CYFIP1: variants seen among roughly 807,000 people sequenced by gnomAD.
CYFIP1 encodes the protein cytoplasmic FMR1-interacting protein 1.
A neutral mutation model predicts 163.5 loss-of-function variants in CYFIP1; 58 were observed. The ratio of observed to expected loss-of-function variants is 0.35; its 90% CI spans 0.29 to 0.44. CYFIP1 has a LOEUF of 0.44. Among genes scored for constraint, CYFIP1 ranks in the 20% least tolerant of loss-of-function variants. The pLI, the probability that CYFIP1 is intolerant of heterozygous loss-of-function variation, is 1.00. For missense variants in CYFIP1, 1,338 were observed against 1,653.8 expected, an observed-to-expected ratio of 0.81 and a Z score of 3.31; for synonymous variants, 663 against 660.7, an observed-to-expected ratio of 1.00 and a Z score of -0.05.
upstream of CYFIP1, among the ~76,000 whole-genome samples, chr15:22,980,836 C>T (rs957819102): frequency 6.6e-6 from 1 of 151,964 alleles, no homozygotes; most frequent in Non-Finnish European, 1.5e-5. Context: ...GTCCCAGCTG[C>T]AGGTCGGCGC....
intron 21 of CYFIP1, among the ~76,000 whole-genome samples, chr15:22,908,688 C>G (rs1250386110): frequency 6.6e-6 from 1 of 151,686 alleles, no homozygotes; most frequent in Non-Finnish European, 1.5e-5. Context: ...GCCACCACGC[C>G]CGCCTAATTT....
At chr15:22,877,309 G>C (rs1306507134) in intron 26 of CYFIP1, among the ~76,000 whole-genome samples, 1 of 152,118 alleles carries the variant, frequency 6.6e-6, no homozygotes, top group Non-Finnish European at 1.5e-5. Flanking sequence ...AGCAGCATGA[G>C]ACCCTGACAG....
chr15:22,970,803 G>A (rs574461020), intron 1 of CYFIP1, among the ~76,000 whole-genome samples: 6 of 152,158 alleles, frequency 3.9e-5, no homozygotes, highest in Admixed American at 6.5e-5. Flanking sequence ...TTGGCCTGGC[G>A]TGGTGGCTCA....
chr15:22,929,192 C>T (rs1471717499), intron 11 of CYFIP1, among the ~76,000 whole-genome samples: 2 of 150,878 alleles, frequency 1.3e-5, no homozygotes, highest in Non-Finnish European at 2.9e-5. Context: ...CACACGCCAT[C>T]CAGCCTGGGC....
chr15:22,956,532 C>T (rs1159993400), intron 1 of CYFIP1, among the ~76,000 whole-genome samples: 3 of 152,160 alleles, frequency 2.0e-5, no homozygotes, highest in African/African-American at 7.2e-5. Context: ...AATAAGCCAG[C>T]ATCCCTGGGA....
In CYFIP1 at chr15:22,917,124, AGGCAGGGAGGGTGGCT is replaced by A; in HGVS notation, c.1675-510_1675-495del. ...AGGGACACGGGACGCACGCAGAGGGAGGCAGGGAGGGTGGCTGGCACCACGCACAGGCCGAGGGCCG... is the reference window on the plus strand; with the variant it reads ...AGGGACACGGGACGCACGCAGAGGGAGGCACCACGCACAGGCCGAGGGCCG... On this transcript the variant is annotated intron_variant, in intron 15 of 30. Coordinates refer to ENST00000617928, the MANE Select transcript of CYFIP1 (RefSeq NM_014608.6). The surrounding 1 kb of genome is among the most constrained non-coding windows in gnomAD (Gnocchi z 4.2). 1.4e-6 allele frequency: 2 copies of A among 1,446,760 alleles called. No individual in the cohort carries two copies. The highest frequency in any genetic ancestry group is 3.0e-5 in the South Asian group (2 of 67,600). The allele number at this position is 1,446,760 out of a possible 1,614,324, so 89.6% of individuals were successfully genotyped here.
intron 10 of CYFIP1, among the ~76,000 whole-genome samples, chr15:22,933,024 A>G (rs2061588058): frequency 6.6e-6 from 1 of 151,502 alleles, no homozygotes; most frequent in South Asian, 2.1e-4. Context: ...CATACAGTCA[A>G]GGTCTCACTG....
intron 18 of CYFIP1, among the ~76,000 whole-genome samples, 163 bp downstream of exon 18, chr15:22,912,016 T>C (rs1045162201): frequency 2.0e-5 from 3 of 152,208 alleles, no homozygotes; most frequent in African/African-American, 7.2e-5. Flanking sequence ...CCTGCACTCA[T>C]CGTGGAAGCA....
intron 10 of CYFIP1, among the ~76,000 whole-genome samples, chr15:22,933,527 G>A (rs1358676338): frequency 2.0e-5 from 3 of 150,968 alleles, no homozygotes; most frequent in Admixed American, 1.3e-4. Flanking sequence ...TGTTAGCTAG[G>A]ATGGTCTCGA....
intron 21 of CYFIP1, among the ~76,000 whole-genome samples, chr15:22,908,173 G>A (rs995549850): frequency 3.3e-5 from 5 of 152,090 alleles, no homozygotes; most frequent in South Asian, 2.1e-4. Context: ...CCATTCAGAC[G>A]AACACAGCAG....
rs557383777 is a variant in CYFIP1, at chr15:22,915,065, T to C, written c.1829-183A>G. Reference sequence around the variant, plus strand: ...CACTAGGGACAGGACCAGCTGGGCATAGCTGCAGGTAAAGCCACCTCATCA... The same window carrying C: ...CACTAGGGACAGGACCAGCTGGGCACAGCTGCAGGTAAAGCCACCTCATCA... On this transcript the variant is annotated intron_variant, in intron 16 of 30. Transcript: ENST00000617928. 2.6e-5 allele frequency: 13 copies of C among 505,306 alleles called. 1 individual carries two copies. The highest frequency in any genetic ancestry group is 2.2e-4 in the South Asian group (6 of 26,922). The allele number at this position is 505,306 out of a possible 1,614,324, so 31.3% of individuals were successfully genotyped here. A position where few individuals can be genotyped will look rare whatever the true frequency, so the allele number is the denominator to read the frequency against.
chr15:22,894,852 T>TA (rs956064719), intron 22 of CYFIP1, among the ~76,000 whole-genome samples: 29 of 144,802 alleles, frequency 2.0e-4, no homozygotes, highest in African/African-American at 7.3e-4. Flanking sequence ...TATATGTATA[T>TA]ATTATATATT....
chr15:22,881,509 C>G (rs2059761564), intron 25 of CYFIP1, among the ~76,000 whole-genome samples: 1 of 152,054 alleles, frequency 6.6e-6, no homozygotes, highest in Non-Finnish European at 1.5e-5. Context: ...TGCACCATCT[C>G]GGTGGGCCTG....
chr15:22,919,161 A>G (rs1172015422), intron 13 of CYFIP1, among the ~76,000 whole-genome samples: 1 of 152,184 alleles, frequency 6.6e-6, no homozygotes, highest in Non-Finnish European at 1.5e-5. Flanking sequence ...GAAAGAAGAA[A>G]AAGACTCAGG....
chr15:22,885,147 G>A (rs934361641), intron 23 of CYFIP1, among the ~76,000 whole-genome samples: 5 of 152,172 alleles, frequency 3.3e-5, no homozygotes, highest in East Asian at 1.9e-4. Flanking sequence ...TCTGCAGCCA[G>A]CTTGAATTCC....
chr15:22,894,278 CTTTTTTTTTTT>C (rs57603773), intron 22 of CYFIP1, among the ~76,000 whole-genome samples: 8 of 65,456 alleles, frequency 1.2e-4, no homozygotes, highest in African/African-American at 2.5e-4. Flanking sequence ...GCAGACTTTT[CTTTTTTTTTTT>C]TTTTTTTTTT....
chr15:22,979,447 C>T (rs1311000547), intron 1 of CYFIP1, among the ~76,000 whole-genome samples: 2 of 145,372 alleles, frequency 1.4e-5, no homozygotes, highest in Non-Finnish European at 1.5e-5. Context: ...TGCCCTCCGC[C>T]GCCAGAAAAC....
At chr15:22,930,655 A>C (rs2061510094) in intron 11 of CYFIP1, among the ~76,000 whole-genome samples, 1 of 152,148 alleles carries the variant, frequency 6.6e-6, no homozygotes, top group African/African-American at 2.4e-5. Context: ...CAAAAGGAAA[A>C]AAACAAAAAC....
chr15:22,945,815 C>G (rs12915771), intron 3 of CYFIP1, among the ~76,000 whole-genome samples: 2 of 151,760 alleles, frequency 1.3e-5, no homozygotes, highest in South Asian at 2.1e-4. Context: ...ACTCCTGACC[C>G]TAGGTGATCC....
Sources: allele counts gnomAD v4.1 joint callset (sites outside exome capture counted in the v4.1 genomes callset), GRCh38; gene constraint gnomAD v4.1.1; non-coding constraint Gnocchi (gnomAD v3.1); transcripts MANE v1.5; gene names NCBI Gene and HGNC (gene_info 2026-07-23, HGNC 2026-07-21).